The following IGSF11 variants were observed in gnomAD, a reference collection of about 807,000 sequenced individuals.
IGSF11 encodes the protein immunoglobulin superfamily member 11.
IGSF11 carries 22 observed loss-of-function variants against 41.0 expected under a neutral mutation model. The observed-to-expected ratio is 0.54, with a 90% CI of 0.38 to 0.77. The LOEUF (loss-of-function observed/expected upper bound fraction) is 0.77, where lower values mean the gene tolerates loss of function less well. Among genes scored for constraint, IGSF11 ranks in the 30% least tolerant of loss-of-function variants. IGSF11 has a pLI of 0.00. For missense variants in IGSF11, 444 were observed against 530.8 expected, an observed-to-expected ratio of 0.84 and a Z score of 1.61; for synonymous variants, 219 against 201.3, an observed-to-expected ratio of 1.09 and a Z score of -0.74.
At chr3:118,988,200 T>C (rs1241836582) in intron 1 of IGSF11, among the ~76,000 whole-genome samples, 2 of 152,170 alleles carry the variant, frequency 1.3e-5, no homozygotes, top group African/African-American at 4.8e-5. Context: ...AGAATGTCAA[T>C]ATAATATCCT....
chr3:119,057,412 C>T (rs1351052760), intron 1 of IGSF11, among the ~76,000 whole-genome samples: 2 of 152,064 alleles, frequency 1.3e-5, no homozygotes, highest in Admixed American at 1.3e-4. Context: ...ATCCAACTTA[C>T]AAGGGATGTG....
At chr3:119,136,493 C>G (rs1045586763) in intron 1 of IGSF11, among the ~76,000 whole-genome samples, 1 of 151,930 alleles carries the variant, frequency 6.6e-6, no homozygotes, top group African/African-American at 2.4e-5. Context: ...TATTCCATGT[C>G]TATGGAAATC....
chr3:119,076,364 G>C (rs1218379305), intron 1 of IGSF11, among the ~76,000 whole-genome samples: 2 of 152,188 alleles, frequency 1.3e-5, no homozygotes, highest in Non-Finnish European at 2.9e-5. Flanking sequence ...AGGACTTCAT[G>C]TCTAAAACAC....
rs140285280 is a variant in IGSF11 at position 118,936,715 on chromosome 3, G to C, written c.53-6440C>G. On this transcript the variant is annotated intron_variant, in intron 1 of 6. Coordinates refer to ENST00000393775, the MANE Select transcript of IGSF11 (RefSeq NM_001015887.3). ...GTCATATTTCCTCTGAGGAGTTAAAGTCATAAATACAGTTGTCTATAATCT... is the reference window on the plus strand; with the variant it reads ...GTCATATTTCCTCTGAGGAGTTAAACTCATAAATACAGTTGTCTATAATCT... Among the ~76,000 whole-genome samples the C allele has an allele frequency of 1.3e-3, 201 of 152,244 alleles. 2 individuals carry two copies. The highest frequency in any genetic ancestry group is 3.9e-3 in the African/African-American group (161 of 41,540).
chr3:118,970,463 A>G (rs181837954), intron 1 of IGSF11, among the ~76,000 whole-genome samples: 97 of 152,350 alleles, frequency 6.4e-4, no homozygotes, highest in Non-Finnish European at 1.2e-3. Flanking sequence ...TGAATGTTCA[A>G]TGGGAGTGAA....
At position 119,132,308 on chromosome 3, in the gene IGSF11, T is replaced by C. The variant is rs566596469; in HGVS notation, c.-14+13505A>G. 9.8e-5 allele frequency among the ~76,000 whole-genome samples: 13 copies of C among 132,106 alleles called. 1 individual carries two copies. The South Asian group carries it at 1.5e-3, about 16-fold the overall frequency. The allele number at this position is 132,106 out of a possible 152,430, so 86.7% of individuals were successfully genotyped here. Reference sequence around the variant, plus strand: ...CAGTGTGCTATATTCAGGAGACCCATCTCACATGCAGAGACACATATAGGC... The same window carrying C: ...CAGTGTGCTATATTCAGGAGACCCACCTCACATGCAGAGACACATATAGGC... On this transcript the variant is annotated intron_variant, in intron 1 of 7. Coordinates refer to the IGSF11 transcript ENST00000425327.
At chr3:118,973,271 G>T (rs1933666183) in intron 1 of IGSF11, among the ~76,000 whole-genome samples, 1 of 152,184 alleles carries the variant, frequency 6.6e-6, no homozygotes, top group Non-Finnish European at 1.5e-5. Flanking sequence ...AATGGAGCAT[G>T]GACATCCCCT....
chr3:119,034,469 T>A, intron 1 of IGSF11, 62 bp downstream of exon 1: 1 of 1,421,504 alleles, frequency 7.0e-7, no homozygotes, highest in Non-Finnish European at 9.3e-7. Context: ...CCCAAACAGC[T>A]TCGCCCCGGG....
intron 1 of IGSF11, among the ~76,000 whole-genome samples, chr3:118,940,963 A>G (rs1454869476): frequency 6.6e-6 from 1 of 151,216 alleles, no homozygotes; most frequent in African/African-American, 2.4e-5. Flanking sequence ...ATAAAAATTA[A>G]CTCAAAATAG....
At chr3:119,035,155 A>G (rs1201252370), upstream of IGSF11, among the ~76,000 whole-genome samples, 2 of 152,158 alleles carry the variant, frequency 1.3e-5, no homozygotes, top group Admixed American at 6.5e-5. Context: ...CTCCGCAAAC[A>G]GGTGGTGTCG....
At chr3:118,928,358 G>A in intron 3 of IGSF11, 151 bp downstream of exon 3, 2 of 617,192 alleles carry the variant, frequency 3.2e-6, no homozygotes, top group Non-Finnish European at 5.8e-6. Context: ...TCTGTAAGAA[G>A]CATGGAGAAG....
chr3:118,916,299 G>C (rs1941081821), intron 4 of IGSF11, among the ~76,000 whole-genome samples: 1 of 152,066 alleles, frequency 6.6e-6, no homozygotes, highest in African/African-American at 2.4e-5. Flanking sequence ...CCAATTAAAA[G>C]ACACAGACTG....
At chr3:119,002,328 T>C (rs1936985548) in intron 1 of IGSF11, among the ~76,000 whole-genome samples, 1 of 151,048 alleles carries the variant, frequency 6.6e-6, no homozygotes. Flanking sequence ...TGTTTGTTTT[T>C]TTCTTGTAAA....
chr3:118,909,227 G>A (rs1322865934), intron 4 of IGSF11, among the ~76,000 whole-genome samples: 2 of 151,954 alleles, frequency 1.3e-5, no homozygotes, highest in Admixed American at 6.6e-5. Flanking sequence ...ATTTTCATAT[G>A]ACTTATATAT....
intron 1 of IGSF11, among the ~76,000 whole-genome samples, chr3:119,083,871 T>A (rs957068179): frequency 3.3e-5 from 5 of 152,204 alleles, no homozygotes; most frequent in Admixed American, 6.5e-5. Context: ...TTTATTTTTT[T>A]TAAAAATTTA....
At position 118,928,569 on chromosome 3, in the gene IGSF11, C is replaced by G; in HGVS notation, c.364G>C (p.Val122Leu). 1 of 1,613,824 alleles carries G rather than the reference C, an allele frequency of 6.2e-7. No homozygotes were observed. Among genetic ancestry groups the G allele is most frequent in the South Asian group, 1.1e-5 (1 of 91,058 alleles). Residue 122 changes from valine to leucine, a missense_variant, in exon 3 of 7, where the codon GTC becomes CTC. Around this residue, in one of 3 missense-constraint regions of IGSF11, gnomAD observed 193 missense variants for 283.5 expected, o/e 0.68. Transcript: ENST00000393775. ...LSDTGTYQCL[V>L]NNLPDIGGRN... ...CCCCCTATGTCTGGAAGGTTGTTGA[C>G]CAGGCACTGGTAGGTGCCAGTGTCT...
At chr3:119,063,805 A>C in intron 1 of IGSF11, among the ~76,000 whole-genome samples, 1 of 152,268 alleles carries the variant, frequency 6.6e-6, no homozygotes, top group East Asian at 1.9e-4. Flanking sequence ...AAGGAAAGGA[A>C]AACTTTTCAA....
intron 1 of IGSF11, among the ~76,000 whole-genome samples, chr3:119,143,281 TA>T (rs1022386313): frequency 6.6e-5 from 10 of 152,192 alleles, no homozygotes; most frequent in African/African-American, 2.4e-4. Context: ...TGTTAATAGG[TA>T]CACACTGTAT....
At chr3:119,092,139 G>A (rs1002946198) in intron 1 of IGSF11, among the ~76,000 whole-genome samples, 2 of 151,928 alleles carry the variant, frequency 1.3e-5, no homozygotes, top group African/African-American at 4.8e-5. Context: ...AGACTCCTAA[G>A]TATGTGGGAT....
Sources: gnomAD v4.1 joint callset for allele counts (sites outside exome capture counted in the v4.1 genomes callset) on GRCh38, gnomAD v4.1.1 for gene constraint, gnomAD v4.1.1 regional missense constraint, MANE v1.5 for transcripts, NCBI Gene and HGNC (gene_info 2026-07-23, HGNC 2026-07-21) for gene names.